The following FAAH2 variants were observed in gnomAD, a reference collection of about 807,000 sequenced individuals.
FAAH2 encodes fatty-acid amide hydrolase 2.
FAAH2 carries 60 observed loss-of-function variants against 36.9 expected under a neutral mutation model. The observed-to-expected ratio is 1.63, with a 90% CI of 1.32 to 2.02. The LOEUF is 2.02. FAAH2 is among the 30% of genes most tolerant of loss of function. The pLI is 0.00. For missense variants in FAAH2, 689 were observed against 397.5 expected, an observed-to-expected ratio of 1.73 and a Z score of -6.23; for synonymous variants, 214 against 143.8, an observed-to-expected ratio of 1.49 and a Z score of -3.49.
the FAAH2 span, among the ~76,000 whole-genome samples, chrX:57,266,365 C>G: frequency 3.6e-5 from 4 of 111,650 alleles, no homozygotes; most frequent in South Asian, 1.5e-3. Flanking sequence ...ACCCAGCGAC[C>G]CTATGGAAAA....
At chrX:57,442,937 C>A (rs1219821380) in intron 8 of FAAH2, among the ~76,000 whole-genome samples, 3 of 111,174 alleles carry the variant, frequency 2.7e-5, no homozygotes, top group East Asian at 5.7e-4. Context: ...GAATATTGGC[C>A]CCCACTCTCT....
intron 3 of FAAH2, among the ~76,000 whole-genome samples, chrX:57,321,691 T>C (rs2053031068): frequency 9.0e-6 from 1 of 110,898 alleles, no homozygotes; most frequent in Non-Finnish European, 1.9e-5. Flanking sequence ...GGAGTCTTGC[T>C]TCTTTATCTG....
chrX:57,237,994 A>G, the FAAH2 span, among the ~76,000 whole-genome samples: 3 of 111,781 alleles, frequency 2.7e-5, no homozygotes, highest in Admixed American at 2.8e-4. Flanking sequence ...ACAACAAAAC[A>G]TAGCAGGTAT....
chrX:57,312,428 T>A (rs773336344), intron 3 of FAAH2, among the ~76,000 whole-genome samples: 89 of 111,462 alleles, frequency 8.0e-4, no homozygotes, highest in Non-Finnish European at 1.5e-3. Flanking sequence ...ATCCCAGCAC[T>A]TTGGGAGGCC....
chrX:57,437,337 T>G (rs2056430276), intron 8 of FAAH2, among the ~76,000 whole-genome samples: 1 of 110,565 alleles, frequency 9.0e-6, no homozygotes, highest in Non-Finnish European at 1.9e-5. Flanking sequence ...GATGCCCACT[T>G]TCACCACTCC....
chrX:57,470,491 A>C (rs1470726357), intron 10 of FAAH2, among the ~76,000 whole-genome samples: 1 of 111,689 alleles, frequency 9.0e-6, no homozygotes, highest in Non-Finnish European at 1.9e-5. Context: ...TAAACTAGAA[A>C]ATCTAGAAGA....
At chrX:57,175,934 A>G in the FAAH2 span, among the ~76,000 whole-genome samples, 39 of 112,406 alleles carry the variant, frequency 3.5e-4, no homozygotes, top group East Asian at 0.011. Context: ...TCTGCTTAGA[A>G]GTCTGCTTTT....
chrX:57,343,627 G>C (rs1194169847), intron 5 of FAAH2, among the ~76,000 whole-genome samples: 1 of 110,947 alleles, frequency 9.0e-6, no homozygotes, highest in Non-Finnish European at 1.9e-5. Context: ...AGCTTAATTT[G>C]GTCCCACTTG....
In FAAH2 at chrX:57,331,808, G is replaced by A. The variant is rs764149122; in HGVS notation, c.622+1G>A. 4 of 1,205,220 alleles carry A rather than the reference G, an allele frequency of 3.3e-6. No homozygotes were observed. Among genetic ancestry groups the A allele is most frequent in the African/African-American group, 3.5e-5 (2 of 57,115 alleles). On this transcript the variant is annotated splice_donor_variant, in intron 4 of 10. Coordinates refer to ENST00000374900, the MANE Select transcript of FAAH2 (RefSeq NM_174912.4). LOFTEE classifies it high-confidence loss of function. Reference sequence around the variant, plus strand: ...CAGCATATTGTAGGTGGAAGTTCTGGTGAGTTGGACATTTTAGTATGGCAT... The same window carrying A: ...CAGCATATTGTAGGTGGAAGTTCTGATGAGTTGGACATTTTAGTATGGCAT...
chrX:57,391,962 C>T (rs1417592498), intron 7 of FAAH2, among the ~76,000 whole-genome samples: 1 of 109,886 alleles, frequency 9.1e-6, no homozygotes, highest in African/African-American at 3.3e-5. Flanking sequence ...AGATCTTTTT[C>T]TATTTCTGGC....
the FAAH2 span, among the ~76,000 whole-genome samples, chrX:57,194,360 A>G: frequency 9.0e-6 from 1 of 111,036 alleles, no homozygotes; most frequent in African/African-American, 3.3e-5. Flanking sequence ...TGCAGTTGTA[A>G]TGCCTACTTT....
chrX:57,412,840 A>G (rs1205127380), intron 7 of FAAH2, among the ~76,000 whole-genome samples: 3 of 112,054 alleles, frequency 2.7e-5, no homozygotes, highest in Non-Finnish European at 5.6e-5. Flanking sequence ...ACTCCAACCA[A>G]CACTGTAAAA....
chrX:57,181,543 A>C, the FAAH2 span, among the ~76,000 whole-genome samples: 83 of 111,628 alleles, frequency 7.4e-4, no homozygotes, highest in Non-Finnish European at 1.3e-3. Flanking sequence ...AGATCTCTAC[A>C]AGGATAACTA....
In FAAH2 at chrX:57,286,791, CT is replaced by C. The variant is rs1304850027; in HGVS notation, c.-34del. 9.1e-7 allele frequency: 1 copy of C among 1,093,175 alleles called. No individual in the cohort carries two copies. The highest frequency in any genetic ancestry group is 1.2e-6 in the Non-Finnish European group (1 of 833,435). 90.1% of individuals were successfully genotyped at this position (1,093,175 alleles called of 1,213,427 possible). ...TCCTTTCCCCAGGGTGCACGTAACC[CT>C]CAAGCACTAGGACCGTGCGGAATCC... On this transcript the variant is annotated 5_prime_UTR_variant, in exon 1 of 11. Transcript: ENST00000374900.
chrX:57,304,686 T>G (rs1360378946), intron 2 of FAAH2, among the ~76,000 whole-genome samples: 4 of 111,652 alleles, frequency 3.6e-5, no homozygotes, highest in Non-Finnish European at 7.5e-5. Context: ...AAAATTGAAG[T>G]TATATTTATA....
the FAAH2 span, among the ~76,000 whole-genome samples, chrX:57,165,943 A>G: frequency 9.0e-6 from 1 of 110,521 alleles, no homozygotes; most frequent in Admixed American, 9.6e-5. Flanking sequence ...TCCTGTGCCT[A>G]TAAAAAATCC....
Position 57,292,528 on chromosome X carries a change from A to G in FAAH2, c.223A>G (p.Ile75Val). The G allele has an allele frequency of 8.3e-7, 1 of 1,210,086 alleles. No homozygotes were observed. The highest frequency in any genetic ancestry group is 1.7e-5 in the African/African-American group (1 of 57,783). The change falls in exon 2 of 11, where the codon ATC becomes GTC. Residue 75 changes from isoleucine (I) to valine (V), a missense_variant. Transcript: ENST00000374900. Reference protein sequence around the residue: ...VKCIDVVQAYINRIKDVNPMI... With the variant: ...VKCIDVVQAYVNRIKDVNPMI... ...ATGTATAGATGTTGTTCAGGCTTAT[A>G]TCAACAGAATCAAGGACGTGAACCC...
At chrX:57,166,193 C>G in the FAAH2 span, among the ~76,000 whole-genome samples, 1 of 110,290 alleles carries the variant, frequency 9.1e-6, no homozygotes, top group African/African-American at 3.3e-5. Flanking sequence ...CTCCATCCCC[C>G]CTCTGGCTTT....
At chrX:57,347,903 C>A (rs1384029147) in intron 5 of FAAH2, among the ~76,000 whole-genome samples, 1 of 109,958 alleles carries the variant, frequency 9.1e-6, no homozygotes, top group Non-Finnish European at 1.9e-5. Context: ...ATGGTAATGG[C>A]TGGTAGATAG....
Sources: allele counts gnomAD v4.1 joint callset (sites outside exome capture counted in the v4.1 genomes callset), GRCh38; gene constraint gnomAD v4.1.1; transcripts MANE v1.5; gene names NCBI Gene and HGNC (gene_info 2026-07-23, HGNC 2026-07-21).